CHD1L: variants seen among roughly 807,000 people sequenced by gnomAD.
CHD1L encodes the protein ATP-dependent chromatin remodeler CHD1L.
Under a neutral mutation model 115.9 loss-of-function variants are expected in CHD1L, and 118 were observed. The ratio of observed to expected loss-of-function variants is 1.02; its 90% CI spans 0.88 to 1.19. The LOEUF (loss-of-function observed/expected upper bound fraction) is 1.19, where lower values mean the gene tolerates loss of function less well. Ranked by LOEUF, CHD1L falls within the 50% of genes most tolerant of loss-of-function variation. The probability of loss-of-function intolerance (pLI) is 0.00; values close to 1 mark genes in which losing one functional copy is unlikely to be tolerated. For synonymous variants in CHD1L, 411 were observed against 387.1 expected, an observed-to-expected ratio of 1.06 and a Z score of -0.72; for missense variants, 1,179 against 1,065.3, an observed-to-expected ratio of 1.11 and a Z score of -1.49.
At chr1:147,254,011 C>T (rs952779215) in intron 2 of CHD1L, among the ~76,000 whole-genome samples, 2 of 152,142 alleles carry the variant, frequency 1.3e-5, no homozygotes, top group Non-Finnish European at 2.9e-5. Flanking sequence ...CATCTTTGTG[C>T]TTGTAGCTTT....
At chr1:147,258,645 T>C (rs1418758269) in intron 5 of CHD1L, among the ~76,000 whole-genome samples, 2 of 152,178 alleles carry the variant, frequency 1.3e-5, no homozygotes, top group East Asian at 1.9e-4. Flanking sequence ...GGTAATGTCA[T>C]AGGGACCTCT....
intron 16 of CHD1L, 102 bp downstream of exon 16, chr1:147,284,601 G>T: frequency 1.9e-6 from 2 of 1,054,844 alleles, no homozygotes; most frequent in South Asian, 3.9e-5. Context: ...AGGATGATTT[G>T]TCAAGAAATA....
chr1:147,225,270 G>GCGGTGAGATC, the CHD1L span: 1 of 1,062,160 alleles, frequency 9.4e-7, no homozygotes, highest in Non-Finnish European at 1.3e-6. Flanking sequence ...GTGCTCTGCT[G>GCGGTGAGATC]CGGTACCGGA....
chr1:147,245,699 T>TTC (rs1296265373), intron 1 of CHD1L, among the ~76,000 whole-genome samples: 1 of 151,420 alleles, frequency 6.6e-6, no homozygotes, highest in Non-Finnish European at 1.5e-5. Flanking sequence ...AATTCAACTT[T>TTC]TTTTTTTTTT....
At chr1:147,294,191 A>G (rs587775526) in intron 21 of CHD1L, among the ~76,000 whole-genome samples, 104 of 152,296 alleles carry the variant, frequency 6.8e-4, no homozygotes, top group Non-Finnish European at 1.1e-3. Context: ...ACCAATCATA[A>G]TCTATTTCCA....
At chr1:147,209,193 G>A in the CHD1L span, 5 of 575,308 alleles carry the variant, frequency 8.7e-6, no homozygotes, top group Non-Finnish European at 1.5e-5. Flanking sequence ...GCCAAGGCGG[G>A]CGGATCACGA....
At chr1:147,222,348 A>G in the CHD1L span, among the ~76,000 whole-genome samples, 166 of 152,320 alleles carry the variant, frequency 1.1e-3, no homozygotes, top group Middle Eastern at 0.024. Context: ...AGCCTGGGTA[A>G]CAGAGTGAGA....
rs915741102 is a variant in CHD1L, at chr1:147,255,376, C to T, written c.347+400C>T. Among the ~76,000 whole-genome samples, 20 of 152,214 alleles carry T rather than the reference C, an allele frequency of 1.3e-4. No individual in the cohort carries two copies. In the South Asian group the frequency reaches 1.9e-3, roughly 14 times the overall value. On this transcript the variant is annotated intron_variant, in intron 3 of 22. Coordinates refer to ENST00000369258, the MANE Select transcript of CHD1L (RefSeq NM_004284.6). ...CCAAGTAGCTGAGATTACAGGCGTG[C>T]GTCACCACACCTGGCTAATTTTGTA...
chr1:147,204,988 AAGG>A, the CHD1L span: 1 of 1,022,364 alleles, frequency 9.8e-7, no homozygotes, highest in Non-Finnish European at 1.5e-6. Context: ...GGAGGAACCA[AAGG>A]TTTTCATGCC....
At chr1:147,218,366 G>A in the CHD1L span, among the ~76,000 whole-genome samples, 1 of 152,016 alleles carries the variant, frequency 6.6e-6, no homozygotes, top group Non-Finnish European at 1.5e-5. Flanking sequence ...CTCCCGAGTA[G>A]CTGGGCCTAC....
At chr1:147,284,780 C>T (rs1682417350) in intron 16 of CHD1L, among the ~76,000 whole-genome samples, 1 of 152,056 alleles carries the variant, frequency 6.6e-6, no homozygotes, top group Non-Finnish European at 1.5e-5. Flanking sequence ...TATATTATAC[C>T]AAAATACCAT....
At chr1:147,256,067 G>C in intron 4 of CHD1L, 140 bp downstream of exon 4, 1 of 526,220 alleles carries the variant, frequency 1.9e-6, no homozygotes, top group East Asian at 3.0e-5. Context: ...ATTCTCAAAA[G>C]AGGGCTGTAA....
chr1:147,209,274 T>TA, the CHD1L span, among the ~76,000 whole-genome samples: 1 of 151,884 alleles, frequency 6.6e-6, no homozygotes, highest in South Asian at 2.1e-4. Flanking sequence ...CCGTCTCTAC[T>TA]AAAAATACAA....
At chr1:147,290,508 T>C (rs1685097411) in intron 19 of CHD1L, among the ~76,000 whole-genome samples, 1 of 152,186 alleles carries the variant, frequency 6.6e-6, no homozygotes, top group South Asian at 2.1e-4. Context: ...AGCAGATGTC[T>C]TTGCAGAAGT....
chr1:147,203,710 A>G, the CHD1L span: 5 of 1,517,418 alleles, frequency 3.3e-6, no homozygotes, highest in Non-Finnish European at 4.6e-6. Flanking sequence ...CTCTGGGTAC[A>G]AGACGTTTAT....
chr1:147,186,659 G>A, the CHD1L span: 926 of 1,278,548 alleles, frequency 7.2e-4, 13 homozygotes, highest in African/African-American at 0.014. Flanking sequence ...AAGAGTACCT[G>A]AGCTCCCAGT....
intron 11 of CHD1L, among the ~76,000 whole-genome samples, chr1:147,271,356 C>G (rs587760892): frequency 6.6e-6 from 1 of 152,136 alleles, no homozygotes; most frequent in Non-Finnish European, 1.5e-5. Context: ...CAGTTGAGCA[C>G]TTACTCATGA....
chr1:147,247,550 A>G (rs1211059554), intron 1 of CHD1L, among the ~76,000 whole-genome samples: 1 of 152,196 alleles, frequency 6.6e-6, no homozygotes, highest in East Asian at 1.9e-4. Flanking sequence ...CACCTGAAGC[A>G]GATGTTGGTG....
chr1:147,205,062 C>G, the CHD1L span: 2 of 632,546 alleles, frequency 3.2e-6, no homozygotes, highest in Admixed American at 5.5e-5. Context: ...CCAGCCATAC[C>G]AGACTACATG....
Sources: allele counts gnomAD v4.1 joint callset (sites outside exome capture counted in the v4.1 genomes callset), GRCh38; gene constraint gnomAD v4.1.1; transcripts MANE v1.5; gene names NCBI Gene and HGNC (gene_info 2026-07-23, HGNC 2026-07-21).